The following PITPNM3 variants were observed in gnomAD, a reference collection of about 807,000 sequenced individuals.
PITPNM3 encodes the protein membrane-associated phosphatidylinositol transfer protein 3.
Under a neutral mutation model 102.0 loss-of-function variants are expected in PITPNM3, and 26 were observed. That is an observed-to-expected ratio of 0.25 (90% CI 0.19 to 0.35). PITPNM3 has a LOEUF of 0.35. Ranked by LOEUF, PITPNM3 falls within the 10% of genes least tolerant of loss-of-function variation. The pLI, the probability that PITPNM3 is intolerant of heterozygous loss-of-function variation, is 1.00. For synonymous variants in PITPNM3, 578 were observed against 558.6 expected (o/e 1.03, Z -0.49); for missense variants, 1,083 against 1,346.1 (o/e 0.80, Z 3.06).
Position 6,468,157 on chromosome 17 carries a change from GC to G in PITPNM3, c.1890+67del, listed in dbSNP as rs1404052878. ...GCTTACCTCCCATGTGGATGCCCCA[GC>G]CCCCGGGCCAGCCCCACCTCCCGGA... On this transcript the variant is annotated intron_variant, in intron 14 of 19. Coordinates refer to ENST00000262483, the MANE Select transcript of PITPNM3 (RefSeq NM_031220.4). This position sits in a 1 kb window ranked among gnomAD's most constrained non-coding sequence, Gnocchi z 5.2. 13 of 1,485,032 alleles carry G rather than the reference GC, an allele frequency of 8.8e-6. No individual in the cohort carries two copies. The highest frequency in any genetic ancestry group is 5.5e-5 in the African/African-American group (4 of 72,184). The allele number at this position is 1,485,032 out of a possible 1,614,324, so 92.0% of individuals were successfully genotyped here.
chr17:6,461,303 G>A, intron 18 of PITPNM3, 70 bp downstream of exon 18: 2 of 1,541,280 alleles, frequency 1.3e-6, no homozygotes, highest in African/African-American at 1.4e-5. Flanking sequence ...GGAGGAGGGA[G>A]ATGGGGAGCG....
At chr17:6,500,120 A>G (rs1907085397) in intron 4 of PITPNM3, among the ~76,000 whole-genome samples, 1 of 152,202 alleles carries the variant, frequency 6.6e-6, no homozygotes, top group African/African-American at 2.4e-5. Flanking sequence ...ACTAGACGAG[A>G]GAAGCTGAGT....
intron 3 of PITPNM3, among the ~76,000 whole-genome samples, chr17:6,513,266 A>G (rs1048441268): frequency 6.6e-6 from 1 of 152,190 alleles, no homozygotes; most frequent in Non-Finnish European, 1.5e-5. Flanking sequence ...GTCTGCTCTC[A>G]TCACTTCTAT....
intron 1 of PITPNM3, among the ~76,000 whole-genome samples, chr17:6,553,016 C>T (rs759463695): frequency 6.6e-6 from 1 of 151,928 alleles, no homozygotes; most frequent in Non-Finnish European, 1.5e-5. Flanking sequence ...GTGATCTGCC[C>T]GCCTCGGCGT....
At position 6,517,495 on chromosome 17, in the gene PITPNM3, CAGGGAT is replaced by C. The variant is rs374608583; in HGVS notation, c.226+7855_226+7860del. 2.6e-3 allele frequency among the ~76,000 whole-genome samples: 394 copies of C among 152,230 alleles called. 4 individuals carry two copies. Among genetic ancestry groups the C allele is most frequent in the African/African-American group, 8.9e-3 (369 of 41,546 alleles). ...AAAGGTACAAACATCCTTCCCTGTT[CAGGGAT>C]AGCATAGATAGAGCTACTGACTTAA... is the stretch of plus-strand genomic sequence containing the variant. On this transcript the variant is annotated intron_variant, in intron 3 of 19. Transcript: ENST00000262483. The surrounding 1 kb of genome is among the most constrained non-coding windows in gnomAD (Gnocchi z 4.1).
intron 4 of PITPNM3, among the ~76,000 whole-genome samples, chr17:6,484,861 G>A (rs1905977606): frequency 6.6e-6 from 1 of 152,228 alleles, no homozygotes; most frequent in South Asian, 2.1e-4. Flanking sequence ...CAGTCCGTGA[G>A]GGTCTGAGCA....
At chr17:6,505,634 A>G (rs1907457275) in intron 3 of PITPNM3, among the ~76,000 whole-genome samples, 1 of 152,234 alleles carries the variant, frequency 6.6e-6, no homozygotes, top group South Asian at 2.1e-4. Flanking sequence ...AGCACCAGCT[A>G]AGGCCCATGA....
chr17:6,473,538 T>C (rs1470451009), intron 10 of PITPNM3, among the ~76,000 whole-genome samples: 2 of 152,278 alleles, frequency 1.3e-5, no homozygotes, highest in African/African-American at 4.8e-5. Context: ...AAAGCATGGA[T>C]CTGTGGATAC....
rs1176088122 is a variant in PITPNM3 at position 6,452,078 on chromosome 17, G to C, written c.*3260C>G. ...TTTAAAAACCGTGAGATCCAGCCTC[G>C]CCTCTTCTAGACAGCCCACCGCCAG... On this transcript the variant is annotated 3_prime_UTR_variant, in exon 20 of 20. Transcript: ENST00000262483. The C allele has an allele frequency of 6.6e-6, 1 of 152,096 alleles. No individual in the cohort carries two copies. 9.4% of individuals were successfully genotyped at this position (152,096 alleles called of 1,614,324 possible).
At chr17:6,455,787 G>A (rs1300784246) in intron 19 of PITPNM3, 144 bp from the exon 20 acceptor site, 1 of 138,934 alleles carries the variant, frequency 7.2e-6, no homozygotes, top group Non-Finnish European at 1.6e-5. Flanking sequence ...GGAGGGGAGG[G>A]GAAGGGACAG....
chr17:6,540,933 A>G (rs566818614), intron 1 of PITPNM3, among the ~76,000 whole-genome samples: 2 of 152,352 alleles, frequency 1.3e-5, no homozygotes, highest in African/African-American at 4.8e-5. Flanking sequence ...TGCTGGGATT[A>G]CAGGCGTGAG....
intron 4 of PITPNM3, among the ~76,000 whole-genome samples, chr17:6,498,211 G>A (rs1226150468): frequency 1.3e-5 from 2 of 152,244 alleles, no homozygotes; most frequent in East Asian, 1.9e-4. Flanking sequence ...GGTCCAGAGG[G>A]ACCCTGGTCC....
intron 3 of PITPNM3, among the ~76,000 whole-genome samples, chr17:6,518,007 GA>G (rs1908282360): frequency 6.6e-6 from 1 of 152,050 alleles, no homozygotes; most frequent in African/African-American, 2.4e-5. Flanking sequence ...ATTTTATAGA[GA>G]ATTTATAACC....
chr17:6,510,102 G>A (rs1279822785), intron 3 of PITPNM3, among the ~76,000 whole-genome samples: 2 of 151,920 alleles, frequency 1.3e-5, no homozygotes, highest in East Asian at 3.9e-4. Flanking sequence ...TATTTCATCC[G>A]TATGGTATGT....
In PITPNM3 at chr17:6,476,079, A is replaced by C. The variant is rs1219866587; in HGVS notation, c.1085+950T>G. 7.2e-5 allele frequency among the ~76,000 whole-genome samples: 11 copies of C among 152,364 alleles called. No homozygotes were observed. The East Asian group carries it at 1.9e-3, about 27-fold the overall frequency. On this transcript the variant is annotated intron_variant, in intron 9 of 19. Coordinates refer to ENST00000262483, the MANE Select transcript of PITPNM3 (RefSeq NM_031220.4). ...ATAGGGATTAAGTAAACTGATATCC[A>C]TTCATTCGACATTATATTGCCATTA...
chr17:6,545,914 G>A (rs1909998769), intron 1 of PITPNM3, among the ~76,000 whole-genome samples: 1 of 152,224 alleles, frequency 6.6e-6, no homozygotes, highest in African/African-American at 2.4e-5. Context: ...GGTCAGGGCT[G>A]GGCACACAGA....
Position 6,457,415 on chromosome 17 carries a change from C to A in PITPNM3, c.2619+179G>T, listed in dbSNP as rs1914159855. ...CATCTGGCTCCACTTGGGATTCTCCCCCTGCACCCAACACAGGCCCTGGCC... is the reference window on the plus strand; with the variant it reads ...CATCTGGCTCCACTTGGGATTCTCCACCTGCACCCAACACAGGCCCTGGCC... On this transcript the variant is annotated intron_variant, in intron 19 of 19. Coordinates refer to ENST00000262483, the MANE Select transcript of PITPNM3 (RefSeq NM_031220.4). This position sits in a 1 kb window ranked among gnomAD's most constrained non-coding sequence, Gnocchi z 4.7. 1.3e-5 allele frequency among the ~76,000 whole-genome samples: 2 copies of A among 152,248 alleles called. No homozygotes were observed. Among genetic ancestry groups the A allele is most frequent in the African/African-American group, 4.8e-5 (2 of 41,468 alleles).
intron 6 of PITPNM3, among the ~76,000 whole-genome samples, chr17:6,482,014 CTCTCTCTCTCTCTCTCTCTCTG>C (rs1905740850): frequency 9.4e-6 from 1 of 106,126 alleles, no homozygotes; most frequent in African/African-American, 4.2e-5. Context: ...CTCTCTCTCT[CTCTCTCTCTCTCTCTCTCTCTG>C]TCTGTCTCTC....
intron 12 of PITPNM3, 145 bp downstream of exon 12, chr17:6,471,016 G>C: frequency 1.1e-6 from 1 of 939,036 alleles, no homozygotes; most frequent in South Asian, 1.6e-5. Context: ...GCTCTCTAAA[G>C]GCAGAAGCAA....
Sources: gnomAD v4.1 joint callset for allele counts (sites outside exome capture counted in the v4.1 genomes callset) on GRCh38, gnomAD v4.1.1 for gene constraint, Gnocchi (gnomAD v3.1) non-coding constraint, MANE v1.5 for transcripts, NCBI Gene and HGNC (gene_info 2026-07-23, HGNC 2026-07-21) for gene names.